The following SENP6 variants were observed in gnomAD, a reference collection of about 807,000 sequenced individuals.
SENP6 encodes sentrin-specific protease 6.
Under a neutral mutation model 134.5 loss-of-function variants are expected in SENP6, and 41 were observed. That is an observed-to-expected ratio of 0.30 (90% CI 0.24 to 0.40). The LOEUF (loss-of-function observed/expected upper bound fraction) is 0.40. Among genes scored for constraint, SENP6 ranks in the 10% least tolerant of loss-of-function variants. SENP6 has a pLI of 1.00. For missense variants in SENP6, 1,248 were observed against 1,312.5 expected (o/e 0.95, Z 0.76); for synonymous variants, 395 against 429.8 (o/e 0.92, Z 1.00).
At chr6:75,677,009 C>A in intron 13 of SENP6, 21 bp from the exon 14 acceptor site, 1 of 1,173,334 alleles carries the variant, frequency 8.5e-7, no homozygotes, top group South Asian at 1.4e-5. Context: ...TTTTTTTGGA[C>A]TTATATTTAT....
chr6:75,695,904 C>G lies in SENP6; in HGVS notation c.2176C>G (p.His726Asp). ...KRLNQRERRN[H>D]ETTNLSIQQK... ...CCTTAATCAGAGAGAGAGGAGAAAT[C>G]ATGAAACAACTAATCTGTCGTAAGT... Residue 726 changes from histidine to aspartate, a missense_variant, in exon 17 of 24, where the codon CAT becomes GAT. This residue lies in a region of SENP6 where 129 missense variants were observed against 192.0 expected (regional missense o/e 0.67). Transcript: ENST00000447266. The G allele has an allele frequency of 6.2e-7, 1 of 1,601,366 alleles. No homozygotes were observed. Among genetic ancestry groups the G allele is most frequent in the Non-Finnish European group, 8.5e-7 (1 of 1,175,316 alleles).
In SENP6 at chr6:75,716,022, AAAAT is replaced by A. The variant is rs1359880372; in HGVS notation, c.*431_*434del. On this transcript the variant is annotated 3_prime_UTR_variant, in exon 24 of 24. Coordinates refer to ENST00000447266, the MANE Select transcript of SENP6 (RefSeq NM_015571.4). ...TATTTTGACCCTTTATATTTGTTCT[AAAAT>A]AAGTCAAAATGTGAAAATAATATTA... is the stretch of plus-strand genomic sequence containing the variant. The A allele has an allele frequency of 3.5e-4, 53 of 153,122 alleles. No individual in the cohort carries two copies. Among genetic ancestry groups the A allele is most frequent in the African/African-American group, 1.2e-3 (51 of 41,542 alleles). 9.5% of individuals were successfully genotyped at this position (153,122 alleles called of 1,614,324 possible).
At chr6:75,682,396 GATTAT>G (rs1773525678) in intron 16 of SENP6, among the ~76,000 whole-genome samples, 1 of 147,962 alleles carries the variant, frequency 6.8e-6, no homozygotes, top group Non-Finnish European at 1.5e-5. Context: ...TCAACATCAG[GATTAT>G]ATTCTTTTTT....
At chr6:75,684,471 G>T (rs1235332497) in intron 16 of SENP6, among the ~76,000 whole-genome samples, 2 of 152,158 alleles carry the variant, frequency 1.3e-5, no homozygotes, top group East Asian at 3.8e-4. Context: ...TCCTTGTCTT[G>T]TGCTGGTTTT....
intron 11 of SENP6, among the ~76,000 whole-genome samples, chr6:75,671,803 T>G (rs1167666235): frequency 6.6e-6 from 1 of 152,136 alleles, no homozygotes; most frequent in Non-Finnish European, 1.5e-5. Context: ...GAATAATAAC[T>G]GTTTCTTTTC....
At chr6:75,634,680 G>A in intron 4 of SENP6, 27 bp from the exon 5 acceptor site, 1 of 1,318,068 alleles carries the variant, frequency 7.6e-7, no homozygotes, top group African/African-American at 1.5e-5. Flanking sequence ...CCGTGTTCAA[G>A]TTATTTTTTG....
rs1363987484 is a variant in SENP6, at chr6:75,705,924, CCTTTTTTTTTTTTTTTT to C, written c.2716+2853_2716+2869del. ...AGTGAGTTAGAAAGCTATTTTTGAG[CCTTTTTTTTTTTTTTTT>C]TTTTTTTTTTTTTGAGATGGAGTCT... is the stretch of plus-strand genomic sequence containing the variant. On this transcript the variant is annotated intron_variant, in intron 19 of 23. Transcript: ENST00000447266. 4.8e-4 allele frequency among the ~76,000 whole-genome samples: 43 copies of C among 89,286 alleles called. 1 individual carries two copies. Among genetic ancestry groups the C allele is most frequent in the African/African-American group, 1.7e-3 (38 of 22,272 alleles). 58.6% of individuals were successfully genotyped at this position (89,286 alleles called of 152,430 possible).
intron 7 of SENP6, among the ~76,000 whole-genome samples, chr6:75,654,791 T>C (rs1402863419): frequency 6.6e-6 from 1 of 152,244 alleles, no homozygotes; most frequent in African/African-American, 2.4e-5. Flanking sequence ...CTTACCCTGC[T>C]TCTCCCACAA....
Position 75,666,747 on chromosome 6 carries a change from A to C in SENP6, c.1030A>C (p.Arg344=). The C allele has an allele frequency of 6.3e-7, 1 of 1,598,644 alleles. No homozygotes were observed. The highest frequency in any genetic ancestry group is 8.6e-7 in the Non-Finnish European group (1 of 1,169,268). ...LSSDDDDDND[R]TNRRESISPQ... is the part of the protein sequence containing the mutation. Reference sequence around the variant, plus strand: ...CAGTGATGATGATGATGACAACGACAGAACTAACAGAAGAGAAAGCATATC... The same window carrying C: ...CAGTGATGATGATGATGACAACGACCGAACTAACAGAAGAGAAAGCATATC... The change falls in exon 10 of 24, where the codon AGA becomes CGA. Residue 344 remains arginine, a synonymous_variant. Coordinates refer to ENST00000447266, the MANE Select transcript of SENP6 (RefSeq NM_015571.4).
At chr6:75,711,483 C>A in intron 21 of SENP6, 67 bp downstream of exon 21, 1 of 1,024,714 alleles carries the variant, frequency 9.8e-7, no homozygotes, top group Non-Finnish European at 1.4e-6. Flanking sequence ...CATAACAGGA[C>A]AGTTTTTTTT....
intron 7 of SENP6, among the ~76,000 whole-genome samples, chr6:75,653,271 T>TC (rs1028702357): frequency 1.3e-5 from 2 of 152,108 alleles, no homozygotes; most frequent in African/African-American, 4.8e-5. Context: ...CCTGAGGTGA[T>TC]CCCCCCGCCT....
rs968818382 is a variant in SENP6, at chr6:75,602,086, C to G, written c.-439C>G. 1.3e-5 allele frequency: 2 copies of G among 157,716 alleles called. No homozygotes were observed. The highest frequency in any genetic ancestry group is 2.8e-5 in the Non-Finnish European group (2 of 71,958). The allele number at this position is 157,716 out of a possible 1,614,324, so 9.8% of individuals were successfully genotyped here. The stretch of plus-strand genomic sequence containing the variant: ...TCGCAGAGACCTCGCCGCTCCGGCG[C>G]GGCGGGTGCGGCCATTTTACGGCCT... On this transcript the variant is annotated 5_prime_UTR_variant, in exon 1 of 24. Transcript: ENST00000447266.
At chr6:75,676,176 C>T (rs926873807) in intron 13 of SENP6, 122 bp downstream of exon 13, 24 of 533,394 alleles carry the variant, frequency 4.5e-5, no homozygotes, top group Admixed American at 1.2e-4. Flanking sequence ...CTACAATTGT[C>T]ACAGCCACCT....
Position 75,677,081 on chromosome 6 carries a change from C to T in SENP6, c.1673C>T (p.Pro558Leu), listed in dbSNP as rs749541754. The change falls in exon 14 of 24, where the codon CCG (proline) becomes CTG (leucine). Residue 558 changes from proline to leucine, a missense_variant. Transcript: ENST00000447266. ...ILIFQNGLDP[P>L]ANMVFESIIN... ...ATTTTTCAAAATGGCCTTGATCCTC[C>T]GGCAAATATGGTATTTGAAAGTATC... 9 of 1,599,910 alleles carry T rather than the reference C, an allele frequency of 5.6e-6. No homozygotes were observed. The highest frequency in any genetic ancestry group is 2.2e-5 in the East Asian group (1 of 44,672).
rs1412638209 is a variant in SENP6, at chr6:75,634,830, T to C, written c.458+19T>C. ...CCCAAAGGTAAGAATTCTAATTGTC[T>C]TTGGTTAGTATATACATGGCATCTT... is the stretch of plus-strand genomic sequence containing the variant. On this transcript the variant is annotated intron_variant, in intron 5 of 23. Coordinates refer to ENST00000447266, the MANE Select transcript of SENP6 (RefSeq NM_015571.4). The C allele has an allele frequency of 4.6e-6, 7 of 1,514,292 alleles. No individual in the cohort carries two copies. Among genetic ancestry groups the C allele is most frequent in the Non-Finnish European group, 9.1e-7 (1 of 1,100,502 alleles). The allele number at this position is 1,514,292 out of a possible 1,614,324, so 93.8% of individuals were successfully genotyped here.
chr6:75,634,903 C>A, intron 5 of SENP6, 92 bp downstream of exon 5: 1 of 785,400 alleles, frequency 1.3e-6, no homozygotes, highest in Non-Finnish European at 2.2e-6. Flanking sequence ...CTTTGTGAAA[C>A]CTTACTGTTT....
At chr6:75,604,618 C>T (rs1473493986) in intron 1 of SENP6, among the ~76,000 whole-genome samples, 3 of 141,218 alleles carry the variant, frequency 2.1e-5, no homozygotes, top group Non-Finnish European at 3.3e-5. Context: ...GAGCGAGATT[C>T]TGTCTCCAAA....
rs1246735224 is a variant in SENP6, at chr6:75,716,238, A to T, written c.*644A>T. 6.6e-6 allele frequency: 1 copy of T among 151,974 alleles called. No individual in the cohort carries two copies. The allele number at this position is 151,974 out of a possible 1,614,324, so 9.4% of individuals were successfully genotyped here. On this transcript the variant is annotated 3_prime_UTR_variant, in exon 24 of 24. Coordinates refer to ENST00000447266, the MANE Select transcript of SENP6 (RefSeq NM_015571.4). ...AATTCAAAAAAAGTAACCTTATACT[A>T]CTAAAAAAAAAATTCTTGCATATAT...
chr6:75,603,252 A>G (rs528213368), intron 1 of SENP6, among the ~76,000 whole-genome samples: 58 of 152,330 alleles, frequency 3.8e-4, no homozygotes, highest in Non-Finnish European at 7.5e-4. Context: ...ATTTGCTGTA[A>G]GTAGACTAAG....
Sources: allele counts gnomAD v4.1 joint callset (sites outside exome capture counted in the v4.1 genomes callset), GRCh38; gene constraint gnomAD v4.1.1; regional missense constraint gnomAD v4.1.1; transcripts MANE v1.5; gene names NCBI Gene and HGNC (gene_info 2026-07-23, HGNC 2026-07-21).